Variants in PLCB1 observed in about 807,000 individuals in gnomAD.
PLCB1 encodes the protein phospholipase C beta 1.
Under a neutral mutation model 161.8 loss-of-function variants are expected in PLCB1, and 46 were observed. That is an observed-to-expected ratio of 0.28 (90% CI 0.22 to 0.36). PLCB1 has a LOEUF of 0.36. PLCB1 is among the 10% of genes least tolerant of loss of function. The pLI is 1.00. For synonymous variants in PLCB1, 517 were observed against 503.7 expected, an observed-to-expected ratio of 1.03 and a Z score of -0.35; for missense variants, 1,016 against 1,472.5, an observed-to-expected ratio of 0.69 and a Z score of 5.07.
intron 20 of PLCB1, among the ~76,000 whole-genome samples, chr20:8,738,171 T>G (rs1430926384): frequency 1.3e-5 from 2 of 152,258 alleles, no homozygotes; most frequent in Non-Finnish European, 2.9e-5. Flanking sequence ...AAAGCTGTCC[T>G]GAAAGTTATT....
chr20:8,607,401 C>T (rs1297129187), intron 3 of PLCB1, among the ~76,000 whole-genome samples: 1 of 152,182 alleles, frequency 6.6e-6, no homozygotes, highest in African/African-American at 2.4e-5. Context: ...TAAACTCCAT[C>T]CCTCTAAGAG....
chr20:8,176,530 G>A (rs1600217098), intron 2 of PLCB1, among the ~76,000 whole-genome samples: 2 of 152,180 alleles, frequency 1.3e-5, no homozygotes, highest in East Asian at 3.8e-4. Context: ...AGCAACATGA[G>A]GAATGCTTGT....
intron 2 of PLCB1, among the ~76,000 whole-genome samples, chr20:8,297,648 G>A (rs1335747664): frequency 6.6e-6 from 1 of 152,100 alleles, no homozygotes; most frequent in Non-Finnish European, 1.5e-5. Flanking sequence ...TTGGGATTCT[G>A]AGGATATCAG....
intron 3 of PLCB1, among the ~76,000 whole-genome samples, chr20:8,569,593 A>T (rs1203687067): frequency 1.3e-5 from 2 of 152,240 alleles, no homozygotes; most frequent in African/African-American, 4.8e-5. Context: ...GAAGAGAGTG[A>T]CAATATCCTA....
intron 2 of PLCB1, among the ~76,000 whole-genome samples, chr20:8,266,878 A>G (rs1311017963): frequency 1.3e-5 from 2 of 152,044 alleles, no homozygotes; most frequent in East Asian, 3.9e-4. Context: ...GTCTCTACTA[A>G]AAATACAAAA....
At chr20:8,560,385 T>C (rs1986104781) in intron 3 of PLCB1, among the ~76,000 whole-genome samples, 1 of 151,964 alleles carries the variant, frequency 6.6e-6, no homozygotes, top group Non-Finnish European at 1.5e-5. Flanking sequence ...GCTTCTCACA[T>C]GTTTCTAATA....
intron 31 of PLCB1, among the ~76,000 whole-genome samples, chr20:8,868,347 C>T (rs3848830): frequency 0.3 from 45,572 of 151,996 alleles, 7,759 homozygotes; most frequent in East Asian, 0.65. Flanking sequence ...TCCATAAAAC[C>T]GTATTGTATT....
At chr20:8,148,344 T>G (rs536814486) in intron 1 of PLCB1, among the ~76,000 whole-genome samples, 40 of 149,984 alleles carry the variant, frequency 2.7e-4, no homozygotes, top group Non-Finnish European at 4.9e-4. Flanking sequence ...ATAATATCGT[T>G]TATTTCCAAA....
At chr20:8,667,432 T>G (rs988669655) in intron 9 of PLCB1, among the ~76,000 whole-genome samples, 1 of 152,216 alleles carries the variant, frequency 6.6e-6, no homozygotes, top group African/African-American at 2.4e-5. Flanking sequence ...AAGATCGTCA[T>G]TGTGGATCTA....
chr20:8,770,502 C>T (rs1245240179), intron 26 of PLCB1, among the ~76,000 whole-genome samples: 5 of 152,150 alleles, frequency 3.3e-5, no homozygotes, highest in African/African-American at 9.7e-5. Context: ...AGGTTCAGGA[C>T]ATGCGCCTGT....
intron 3 of PLCB1, among the ~76,000 whole-genome samples, chr20:8,594,085 A>G (rs1286711356): frequency 6.6e-6 from 1 of 151,928 alleles, no homozygotes; most frequent in African/African-American, 2.4e-5. Context: ...GTCTTGCTAT[A>G]TTGCCCACGC....
At chr20:8,713,497 A>G (rs1016904935) in intron 12 of PLCB1, among the ~76,000 whole-genome samples, 4 of 152,114 alleles carry the variant, frequency 2.6e-5, no homozygotes, top group African/African-American at 9.7e-5. Flanking sequence ...GGCAGGTTCT[A>G]AACGTCTACA....
chr20:8,179,764 A>G (rs2051818920), intron 2 of PLCB1, among the ~76,000 whole-genome samples: 1 of 150,412 alleles, frequency 6.6e-6, no homozygotes, highest in African/African-American at 2.5e-5. Context: ...TTGCTTGTTC[A>G]GTATAATATT....
chr20:8,186,304 T>C (rs763256309), intron 2 of PLCB1, among the ~76,000 whole-genome samples: 2 of 152,230 alleles, frequency 1.3e-5, no homozygotes, highest in Non-Finnish European at 2.9e-5. Context: ...TATTTATACA[T>C]TTTTCCTGAG....
intron 3 of PLCB1, among the ~76,000 whole-genome samples, chr20:8,470,978 G>T (rs1031169615): frequency 5.3e-5 from 8 of 152,056 alleles, no homozygotes; most frequent in Non-Finnish European, 8.8e-5. Flanking sequence ...AGAAAAAAAA[G>T]AATTAAATAG....
At chr20:8,246,188 A>G (rs1230850900) in intron 2 of PLCB1, among the ~76,000 whole-genome samples, 1 of 151,920 alleles carries the variant, frequency 6.6e-6, no homozygotes. Flanking sequence ...GCCATCCCAA[A>G]ATGTAGTGAT....
intron 3 of PLCB1, among the ~76,000 whole-genome samples, chr20:8,564,577 G>A (rs1986259308): frequency 6.6e-6 from 1 of 151,956 alleles, no homozygotes; most frequent in African/African-American, 2.4e-5. Context: ...AATTTTTGCA[G>A]TGTATCCACC....
intron 7 of PLCB1, among the ~76,000 whole-genome samples, chr20:8,651,171 CTT>C (rs1474586484): frequency 2.6e-5 from 4 of 152,082 alleles, no homozygotes; most frequent in Non-Finnish European, 5.9e-5. Flanking sequence ...GGTAACATGA[CTT>C]TATAGGAAGA....
At chr20:8,816,684 G>A (rs79041584) in intron 31 of PLCB1, among the ~76,000 whole-genome samples, 4,023 of 152,210 alleles carry the variant, frequency 0.026, 166 homozygotes, top group African/African-American at 0.092. Flanking sequence ...CTTAAACCAT[G>A]GTTTACCTGG....
Sources: allele counts gnomAD v4.1 joint callset (sites outside exome capture counted in the v4.1 genomes callset), GRCh38; gene constraint gnomAD v4.1.1; transcripts MANE v1.5; gene names NCBI Gene and HGNC (gene_info 2026-07-23, HGNC 2026-07-21).